RNF121: variants seen among roughly 807,000 people sequenced by gnomAD.
The protein encoded by RNF121 is E3 ubiquitin ligase RNF121.
A neutral mutation model predicts 46.5 loss-of-function variants in RNF121; 21 were observed. The ratio of observed to expected loss-of-function variants is 0.45; its 90% CI spans 0.32 to 0.65. The LOEUF (loss-of-function observed/expected upper bound fraction) is 0.65. Ranked by LOEUF, RNF121 falls within the 30% of genes least tolerant of loss-of-function variation. RNF121 has a pLI of 0.04. For synonymous variants in RNF121, 139 were observed against 144.7 expected, an observed-to-expected ratio of 0.96 and a Z score of 0.28; for missense variants, 346 against 416.0, an observed-to-expected ratio of 0.83 and a Z score of 1.46.
chr11:71,982,636 C>T, intron 3 of RNF121, 125 bp from the exon 4 acceptor site: 1 of 1,105,752 alleles, frequency 9.0e-7, no homozygotes, highest in African/African-American at 1.6e-5. Flanking sequence ...GTGGAGTTAA[C>T]TTTATCCAAA....
chr11:71,974,292 T>C (rs1319138577), intron 3 of RNF121, among the ~76,000 whole-genome samples: 2 of 152,214 alleles, frequency 1.3e-5, no homozygotes, highest in East Asian at 1.9e-4. Context: ...TTAGATACTG[T>C]TCTTTTCAAT....
chr11:71,935,423 C>T (rs1953382741), intron 1 of RNF121, among the ~76,000 whole-genome samples: 2 of 152,154 alleles, frequency 1.3e-5, no homozygotes, highest in East Asian at 1.9e-4. Context: ...TTAACCACAA[C>T]GGGCAATATG....
At chr11:71,972,089 C>G (rs2134191338) in intron 3 of RNF121, among the ~76,000 whole-genome samples, 1 of 152,134 alleles carries the variant, frequency 6.6e-6, no homozygotes, top group East Asian at 1.9e-4. Flanking sequence ...TTGGGAGGAC[C>G]TTAAAAGCAT....
intron 3 of RNF121, chr11:71,962,006 C>T (rs1226537156): frequency 1.5e-5 from 2 of 131,930 alleles, no homozygotes; most frequent in African/African-American, 2.9e-5. Context: ...CTCGCTGTGT[C>T]GCCCAGGCGG....
intron 1 of RNF121, among the ~76,000 whole-genome samples, chr11:71,940,154 A>G (rs1953532049): frequency 1.3e-5 from 2 of 152,240 alleles, no homozygotes; most frequent in Admixed American, 1.3e-4. Context: ...ATTCCTCACT[A>G]ATGATATATT....
chr11:71,929,515 G>T (rs891760612), intron 1 of RNF121, among the ~76,000 whole-genome samples: 1 of 152,110 alleles, frequency 6.6e-6, no homozygotes, highest in Non-Finnish European at 1.5e-5. Context: ...CTCTGTCTAA[G>T]CCTAGGGTGG....
At chr11:71,960,113 T>C (rs1473870713) in intron 2 of RNF121, among the ~76,000 whole-genome samples, 1 of 152,202 alleles carries the variant, frequency 6.6e-6, no homozygotes, top group African/African-American at 2.4e-5. Context: ...ACTCTCTAGT[T>C]ACTAAACTTC....
chr11:71,953,450 T>A (rs939391286), intron 1 of RNF121, among the ~76,000 whole-genome samples: 1 of 152,242 alleles, frequency 6.6e-6, no homozygotes, highest in Non-Finnish European at 1.5e-5. Context: ...AATTTGTGAT[T>A]GTGAGTGCTG....
At chr11:71,964,112 A>G (rs1003979231) in intron 3 of RNF121, among the ~76,000 whole-genome samples, 4 of 152,198 alleles carry the variant, frequency 2.6e-5, no homozygotes, top group Non-Finnish European at 5.9e-5. Context: ...AAATGTTTCC[A>G]TCTTAACAAT....
At chr11:71,949,507 G>C (rs1180823054) in intron 1 of RNF121, among the ~76,000 whole-genome samples, 1 of 152,036 alleles carries the variant, frequency 6.6e-6, no homozygotes, top group Non-Finnish European at 1.5e-5. Context: ...TTGAGGTCAG[G>C]AGTTCAAGAC....
At chr11:71,965,212 T>C (rs1219219145) in intron 3 of RNF121, among the ~76,000 whole-genome samples, 1 of 152,122 alleles carries the variant, frequency 6.6e-6, no homozygotes, top group African/African-American at 2.4e-5. Context: ...TCTATCCATA[T>C]TGGTGGGTAT....
At chr11:71,969,051 A>G (rs1336324168) in intron 3 of RNF121, among the ~76,000 whole-genome samples, 2 of 151,726 alleles carry the variant, frequency 1.3e-5, no homozygotes, top group African/African-American at 4.8e-5. Context: ...ATGCCCGGCT[A>G]ATTTTTGTAT....
rs556879126 is a variant in RNF121, at chr11:71,966,920, G to A, written c.243+6029G>A. On this transcript the variant is annotated intron_variant, in intron 3 of 8. Coordinates refer to ENST00000361756, the MANE Select transcript of RNF121 (RefSeq NM_018320.5). ...CACTCTGTCACCCAGGCCGGACTGC[G>A]GACTGCAGAGGCGCAATCTCGGCTC... Among the ~76,000 whole-genome samples, 36 of 148,238 alleles carry A rather than the reference G, an allele frequency of 2.4e-4. No homozygotes were observed. In the East Asian group the frequency reaches 5.4e-3, roughly 22 times the overall value.
In RNF121 at chr11:71,977,031, T is replaced by C. The variant is rs530352792; in HGVS notation, c.244-5730T>C. Among the ~76,000 whole-genome samples, 28 of 152,344 alleles carry C rather than the reference T, an allele frequency of 1.8e-4. No homozygotes were observed. In the South Asian group the frequency reaches 5.2e-3, roughly 28 times the overall value. On this transcript the variant is annotated intron_variant, in intron 3 of 8. Transcript: ENST00000361756. ...TTCTTCCAAATCATTTATGAAAATA[T>C]TGAGCAGAGCCATGGAGCATGTCCC...
rs565860316 is a variant in RNF121 at position 71,986,939 on chromosome 11, G to A, written c.399-65G>A. ...ATTGATGTGAGAATAAAGGATTCTG[G>A]TGATCAGGACCATTAAGGCCAGAAT... On this transcript the variant is annotated intron_variant, in intron 4 of 8. Coordinates refer to ENST00000361756, the MANE Select transcript of RNF121 (RefSeq NM_018320.5). 7.2e-5 allele frequency: 66 copies of A among 920,124 alleles called. 1 individual carries two copies. Among genetic ancestry groups the A allele is most frequent in the South Asian group, 5.6e-4 (43 of 76,928 alleles). 57.0% of individuals were successfully genotyped at this position (920,124 alleles called of 1,614,324 possible). A position where few individuals can be genotyped will look rare whatever the true frequency, so the allele number is the denominator to read the frequency against.
At chr11:71,977,548 C>T (rs889887005) in intron 3 of RNF121, among the ~76,000 whole-genome samples, 1 of 152,166 alleles carries the variant, frequency 6.6e-6, no homozygotes, top group Non-Finnish European at 1.5e-5. Flanking sequence ...GAGGGATAAG[C>T]GGGATATTGC....
chr11:71,977,399 AG>A (rs1276345498), intron 3 of RNF121, among the ~76,000 whole-genome samples: 3 of 152,192 alleles, frequency 2.0e-5, no homozygotes, highest in African/African-American at 7.2e-5. Flanking sequence ...AATAATTGTC[AG>A]GTAGTGTTGA....
intron 5 of RNF121, 98 bp from the exon 6 acceptor site, chr11:71,990,499 C>G: frequency 6.8e-7 from 1 of 1,477,410 alleles, no homozygotes; most frequent in Non-Finnish European, 9.1e-7. Flanking sequence ...GCCTTTGGGC[C>G]TTCTCGCTTT....
Position 71,936,107 on chromosome 11 carries a change from A to G in RNF121, c.63+6983A>G, listed in dbSNP as rs546134200. 1.6e-4 allele frequency among the ~76,000 whole-genome samples: 25 copies of G among 152,160 alleles called. No individual in the cohort carries two copies. The East Asian group carries it at 4.8e-3, about 29-fold the overall frequency. ...TGTGATCTGCCCACCTTGGCCTCCC[A>G]GAGTGCTGGGATTATAGGCGTGAGA... On this transcript the variant is annotated intron_variant, in intron 1 of 8. Transcript: ENST00000361756.
Sources: gnomAD v4.1 joint callset for allele counts (sites outside exome capture counted in the v4.1 genomes callset) on GRCh38, gnomAD v4.1.1 for gene constraint, MANE v1.5 for transcripts, NCBI Gene and HGNC (gene_info 2026-07-23, HGNC 2026-07-21) for gene names.